The following TBC1D5 variants were observed in gnomAD, a reference collection of about 807,000 sequenced individuals.
The protein encoded by TBC1D5 is TBC1 domain family, member 5.
A neutral mutation model predicts 100.3 loss-of-function variants in TBC1D5; 75 were observed. The observed-to-expected ratio is 0.75, with a 90% confidence interval of 0.62 to 0.91. The LOEUF is 0.91. TBC1D5 is among the 40% of genes least tolerant of loss of function. TBC1D5 has a pLI of 0.00. For missense variants in TBC1D5, 910 were observed against 942.4 expected, an observed-to-expected ratio of 0.97 and a Z score of 0.45; for synonymous variants, 323 against 325.6, an observed-to-expected ratio of 0.99 and a Z score of 0.09.
At chr3:17,360,222 T>A (rs1375067395) in intron 13 of TBC1D5, among the ~76,000 whole-genome samples, 4 of 152,012 alleles carry the variant, frequency 2.6e-5, no homozygotes, top group African/African-American at 9.6e-5. Context: ...TTCCTGACCC[T>A]TGTTAGATGG....
At chr3:17,450,080 C>G (rs1177454177) in intron 3 of TBC1D5, among the ~76,000 whole-genome samples, 1 of 152,068 alleles carries the variant, frequency 6.6e-6, no homozygotes, top group Non-Finnish European at 1.5e-5. Context: ...CTGGTGATAC[C>G]AAGGCAAACA....
At chr3:17,309,398 T>C (rs1475073797) in intron 13 of TBC1D5, among the ~76,000 whole-genome samples, 2 of 152,138 alleles carry the variant, frequency 1.3e-5, no homozygotes, top group East Asian at 1.9e-4. Flanking sequence ...TTTTTCAGTA[T>C]AAAAAATTTA....
chr3:17,380,914 T>C (rs999123865), intron 9 of TBC1D5, among the ~76,000 whole-genome samples: 1 of 152,118 alleles, frequency 6.6e-6, no homozygotes, highest in South Asian at 2.1e-4. Context: ...ATATGGTCGA[T>C]GTTTAACAGG....
At chr3:17,277,027 A>G (rs2080090632) in intron 15 of TBC1D5, among the ~76,000 whole-genome samples, 1 of 152,212 alleles carries the variant, frequency 6.6e-6, no homozygotes, top group African/African-American at 2.4e-5. Context: ...ACAATGGATT[A>G]TTGCTCATGT....
rs1253125348 is a variant in TBC1D5 at position 17,248,985 on chromosome 3, C to T, written c.1331+9521G>A. On this transcript the variant is annotated intron_variant, in intron 16 of 21. Coordinates refer to ENST00000253692, the Ensembl canonical transcript of TBC1D5. ...GAGACAACTTCTTCCCTTAAATCTC[C>T]TTAATCAATCTCCACTAGCTTCCAA... 2.6e-5 allele frequency among the ~76,000 whole-genome samples: 4 copies of T among 152,308 alleles called. No homozygotes were observed. The South Asian group carries it at 8.3e-4, about 32-fold the overall frequency.
chr3:17,599,909 A>T (rs939071664), intron 2 of TBC1D5, among the ~76,000 whole-genome samples: 1 of 152,198 alleles, frequency 6.6e-6, no homozygotes, highest in African/African-American at 2.4e-5. Context: ...CAGGGAAAAA[A>T]AGCAGGATAC....
intron 2 of TBC1D5, among the ~76,000 whole-genome samples, chr3:17,531,667 C>T (rs2153383576): frequency 6.6e-6 from 1 of 152,256 alleles, no homozygotes; most frequent in Non-Finnish European, 1.5e-5. Context: ...ACAGAGCCCT[C>T]AGAAATAATG....
chr3:17,296,806 G>T (rs1371631638), intron 14 of TBC1D5, among the ~76,000 whole-genome samples: 1 of 152,148 alleles, frequency 6.6e-6, no homozygotes, highest in Non-Finnish European at 1.5e-5. Flanking sequence ...ATACTCTTTG[G>T]TAAGTCCTTA....
exon 22 of TBC1D5, chr3:17,160,058 G>A (rs1175231077): frequency 1.3e-5 from 2 of 152,186 alleles, no homozygotes; most frequent in South Asian, 2.1e-4. Flanking sequence ...CTGACTGTCT[G>A]AAAGATGTTT....
intron 3 of TBC1D5, among the ~76,000 whole-genome samples, chr3:17,465,750 C>A (rs1453248618): frequency 6.6e-6 from 1 of 152,196 alleles, no homozygotes; most frequent in Non-Finnish European, 1.5e-5. Flanking sequence ...TTTATTATCA[C>A]AACCTGAGAA....
At chr3:17,579,239 TG>T (rs1180779060) in intron 2 of TBC1D5, among the ~76,000 whole-genome samples, 5 of 152,068 alleles carry the variant, frequency 3.3e-5, no homozygotes, top group African/African-American at 1.2e-4. Flanking sequence ...ACTCCTGAAG[TG>T]GGTGTAACCT....
chr3:17,429,174 CA>C (rs2094401341), intron 3 of TBC1D5, among the ~76,000 whole-genome samples: 1 of 151,682 alleles, frequency 6.6e-6, no homozygotes, highest in Non-Finnish European at 1.5e-5. Context: ...AATTTTTACT[CA>C]AAAATCTATC....
chr3:17,570,350 G>GCC (rs2096619554), intron 2 of TBC1D5, among the ~76,000 whole-genome samples: 2 of 151,762 alleles, frequency 1.3e-5, no homozygotes, highest in Non-Finnish European at 2.9e-5. Context: ...TTACAAACTA[G>GCC]GCATCATTCC....
At chr3:17,236,722 G>A (rs1165577786) in intron 17 of TBC1D5, among the ~76,000 whole-genome samples, 4 of 152,050 alleles carry the variant, frequency 2.6e-5, no homozygotes, top group Non-Finnish European at 5.9e-5. Context: ...TTGACCTCGT[G>A]ATCTACCTCG....
intron 13 of TBC1D5, among the ~76,000 whole-genome samples, chr3:17,345,488 C>G (rs2089722464): frequency 6.6e-6 from 1 of 152,066 alleles, no homozygotes; most frequent in Non-Finnish European, 1.5e-5. Context: ...TAAACTAGTT[C>G]AACCATTGTG....
At chr3:17,158,106 C>T (rs1284433934) in exon 22 of TBC1D5, 1 of 152,208 alleles carries the variant, frequency 6.6e-6, no homozygotes, top group Non-Finnish European at 1.5e-5. Flanking sequence ...GGCATACACT[C>T]AAGGTAAGGC....
chr3:17,695,380 A>G (rs951819974), intron 1 of TBC1D5, among the ~76,000 whole-genome samples: 2 of 152,164 alleles, frequency 1.3e-5, no homozygotes. Context: ...CACATAGGCT[A>G]AAAATAAAGG....
intron 19 of TBC1D5, among the ~76,000 whole-genome samples, chr3:17,180,139 C>T (rs1375127372): frequency 6.6e-6 from 1 of 152,214 alleles, no homozygotes; most frequent in African/African-American, 2.4e-5. Context: ...AAAACCTCTT[C>T]TAAAGCTGAC....
intron 16 of TBC1D5, among the ~76,000 whole-genome samples, chr3:17,251,691 TTAGTGA>T (rs2077198119): frequency 6.6e-6 from 1 of 152,230 alleles, no homozygotes; most frequent in Admixed American, 6.5e-5. Flanking sequence ...CCTAGGTATT[TTAGTGA>T]TAGATTTTCC....
Sources: allele counts gnomAD v4.1 joint callset (sites outside exome capture counted in the v4.1 genomes callset), GRCh38; gene constraint gnomAD v4.1.1; transcripts MANE v1.5; gene names NCBI Gene and HGNC (gene_info 2026-07-23, HGNC 2026-07-21).